The following MAGI1 variants were observed in gnomAD, a reference collection of about 807,000 sequenced individuals.
MAGI1 encodes membrane associated guanylate kinase, WW and PDZ domain containing 1.
Under a neutral mutation model 139.9 loss-of-function variants are expected in MAGI1, and 58 were observed. The observed-to-expected ratio is 0.41, with a 90% CI of 0.34 to 0.52. The LOEUF (loss-of-function observed/expected upper bound fraction) is 0.52, where lower values mean the gene tolerates loss of function less well. Ranked by LOEUF, MAGI1 falls within the 20% of genes least tolerant of loss-of-function variation. MAGI1 has a pLI of 0.12. For missense variants in MAGI1, 1,874 were observed against 1,901.6 expected (o/e 0.99, Z 0.27); for synonymous variants, 812 against 737.9 (o/e 1.10, Z -1.63).
chr3:65,536,529 C>T (rs541134158), intron 2 of MAGI1, among the ~76,000 whole-genome samples: 26 of 152,182 alleles, frequency 1.7e-4, no homozygotes, highest in South Asian at 4.2e-4. Context: ...GGAGCTAATA[C>T]GGTAGGGTGA....
chr3:65,721,045 G>A (rs971967670), intron 1 of MAGI1, among the ~76,000 whole-genome samples: 1 of 152,044 alleles, frequency 6.6e-6, no homozygotes, highest in Admixed American at 6.6e-5. Flanking sequence ...TGAAATCCCT[G>A]GCCATTCTCC....
intron 1 of MAGI1, among the ~76,000 whole-genome samples, chr3:65,812,012 G>A (rs367660511): frequency 2.7e-4 from 41 of 151,548 alleles, no homozygotes; most frequent in Non-Finnish European, 4.7e-4. Context: ...TTCTTTTTGC[G>A]CAAACTCCCA....
chr3:65,394,098 C>T (rs142043685), intron 13 of MAGI1, among the ~76,000 whole-genome samples: 93 of 152,168 alleles, frequency 6.1e-4, no homozygotes, highest in African/African-American at 2.1e-3. Flanking sequence ...TTTTTGAAAC[C>T]CTCTCATGTC....
At chr3:65,747,680 T>G (rs959159845) in intron 1 of MAGI1, among the ~76,000 whole-genome samples, 11 of 152,126 alleles carry the variant, frequency 7.2e-5, no homozygotes, top group African/African-American at 2.2e-4. Context: ...TCATCAATGG[T>G]AACAAATGTC....
At chr3:65,445,473 T>C (rs1468105588) in intron 7 of MAGI1, among the ~76,000 whole-genome samples, 2 of 152,220 alleles carry the variant, frequency 1.3e-5, no homozygotes, top group South Asian at 2.1e-4. Context: ...AGAGCAAACA[T>C]TGAGCAGTCA....
In MAGI1 at chr3:66,012,987, T is replaced by A. The variant is rs79228453; in HGVS notation, c.313+25009A>T. Among the ~76,000 whole-genome samples the A allele has an allele frequency of 9.8e-5, 15 of 152,316 alleles. No homozygotes were observed. In the East Asian group the frequency reaches 2.7e-3, roughly 27 times the overall value. On this transcript the variant is annotated intron_variant, in intron 1 of 22. Coordinates refer to ENST00000402939, the MANE Select transcript of MAGI1 (RefSeq NM_001033057.2). ...TGAAGCCCACTCTAGGTCAATAGTT[T>A]GCATGTAGCTCATTTAATCATTTTA...
Position 65,863,876 on chromosome 3 carries a change from T to C in MAGI1, c.313+174120A>G, listed in dbSNP as rs537667456. 2.0e-5 allele frequency among the ~76,000 whole-genome samples: 3 copies of C among 152,252 alleles called. No individual in the cohort carries two copies. The East Asian group carries it at 5.8e-4, about 29-fold the overall frequency. On this transcript the variant is annotated intron_variant, in intron 1 of 22. Transcript: ENST00000402939. The stretch of plus-strand genomic sequence containing the variant: ...CCTCCACATGCTAGTCTTCAGATTC[T>C]AGCTGAAGTGTCATTTCCTTAGAAA...
At chr3:65,363,424 T>C in intron 21 of MAGI1, 41 bp downstream of exon 21, 6 of 1,563,628 alleles carry the variant, frequency 3.8e-6, no homozygotes, top group Non-Finnish European at 5.2e-6. Flanking sequence ...TCACTGCAGA[T>C]GGTTTCTTTG....
chr3:65,985,616 G>A (rs1036741667), intron 1 of MAGI1, among the ~76,000 whole-genome samples: 3 of 152,012 alleles, frequency 2.0e-5, no homozygotes, highest in African/African-American at 7.2e-5. Context: ...TTTTTCCCCT[G>A]GTACTTTGAA....
At chr3:65,621,883 CA>C (rs2083687448) in intron 2 of MAGI1, 88 bp downstream of exon 2, 2 of 885,568 alleles carry the variant, frequency 2.3e-6, no homozygotes, top group Non-Finnish European at 3.6e-6. Flanking sequence ...GTTCCAGAAC[CA>C]GTTGTTGAGA....
intron 1 of MAGI1, among the ~76,000 whole-genome samples, chr3:65,847,422 T>C (rs888523426): frequency 5.3e-5 from 8 of 151,842 alleles, no homozygotes; most frequent in Non-Finnish European, 1.5e-5. Context: ...GGCCATAAAA[T>C]TAAGATCTGG....
intron 2 of MAGI1, among the ~76,000 whole-genome samples, chr3:65,584,725 T>C (rs1376378227): frequency 6.6e-6 from 1 of 152,234 alleles, no homozygotes; most frequent in Non-Finnish European, 1.5e-5. Context: ...AATAAAGATA[T>C]AGTTCAACAA....
At chr3:65,867,399 G>A (rs1029043710) in intron 1 of MAGI1, among the ~76,000 whole-genome samples, 1 of 152,158 alleles carries the variant, frequency 6.6e-6, no homozygotes, top group Non-Finnish European at 1.5e-5. Context: ...GCTCCACAAC[G>A]CTTTTCTGGC....
At chr3:65,976,818 A>C (rs1233938384) in intron 1 of MAGI1, among the ~76,000 whole-genome samples, 3 of 152,218 alleles carry the variant, frequency 2.0e-5, no homozygotes, top group Non-Finnish European at 4.4e-5. Context: ...GAAGCTGTGC[A>C]GTGTCATCGT....
rs1942847131 is a variant in MAGI1 at position 65,379,353 on chromosome 3, G to C, written c.2903C>G (p.Pro968Arg). The stretch of plus-strand genomic sequence containing the variant: ...CCCGCGCCGGATCTCCACGTCGTAG[G>C]GCTGCACCACGGTGCTGACCACGCC... ...GSGVVSTVVQ[P>R]YDVEIRRGEN... Residue 968 changes from proline to arginine, a missense_variant, in exon 17 of 23, where the codon CCC becomes CGC. Pro to Arg is a moderately radical substitution (Grantham distance 103, BLOSUM62 -2). Transcript: ENST00000402939. 1.2e-6 allele frequency: 2 copies of C among 1,613,270 alleles called. No homozygotes were observed. Among genetic ancestry groups the C allele is most frequent in the Non-Finnish European group, 8.5e-7 (1 of 1,179,622 alleles).
At chr3:65,387,957 C>G (rs1360139410) in intron 14 of MAGI1, among the ~76,000 whole-genome samples, 1 of 152,152 alleles carries the variant, frequency 6.6e-6, no homozygotes, top group African/African-American at 2.4e-5. Context: ...CAACTATAAG[C>G]CTTATAATTT....
At chr3:66,026,371 C>T (rs547641169) in intron 1 of MAGI1, among the ~76,000 whole-genome samples, 11 of 151,974 alleles carry the variant, frequency 7.2e-5, no homozygotes, top group South Asian at 6.2e-4. Flanking sequence ...TAAATCATCA[C>T]GGAAAAGTCA....
intron 1 of MAGI1, among the ~76,000 whole-genome samples, chr3:65,773,199 T>C (rs1424588574): frequency 6.6e-6 from 1 of 152,120 alleles, no homozygotes; most frequent in Non-Finnish European, 1.5e-5. Context: ...AGGAGTAATA[T>C]ATTAAAACAA....
rs147156310 is a variant in MAGI1 at position 65,496,188 on chromosome 3, C to A, written c.431-2557G>T. 8.0e-3 allele frequency among the ~76,000 whole-genome samples: 1,197 copies of A among 150,094 alleles called. 14 individuals carry two copies. Among genetic ancestry groups the A allele is most frequent in the African/African-American group, 0.028 (1,131 of 40,784 alleles). ...TCCTGAGTAGTTAGGACTACAGGCA[C>A]GTGCCACCACACCCAGCTAATTTTT... On this transcript the variant is annotated intron_variant, in intron 2 of 22. Transcript: ENST00000402939.
Sources: gnomAD v4.1 joint callset for allele counts (sites outside exome capture counted in the v4.1 genomes callset) on GRCh38, gnomAD v4.1.1 for gene constraint, MANE v1.5 for transcripts, NCBI Gene and HGNC (gene_info 2026-07-23, HGNC 2026-07-21) for gene names.